DCTN2: variants seen among roughly 807,000 people sequenced by gnomAD.
The protein encoded by DCTN2 is 50 kDa dynein-associated polypeptide.
Under a neutral mutation model 55.4 loss-of-function variants are expected in DCTN2, and 18 were observed. That is an observed-to-expected ratio of 0.32 (90% CI 0.22 to 0.48). The LOEUF is 0.48. DCTN2 is among the 20% of genes least tolerant of loss of function. The probability of loss-of-function intolerance (pLI) is 0.99; values close to 1 mark genes in which losing one functional copy is unlikely to be tolerated. For synonymous variants in DCTN2, 168 were observed against 185.2 expected (o/e 0.91, Z 0.76); for missense variants, 390 against 491.0 (o/e 0.79, Z 1.94).
At position 57,547,101 on chromosome 12, in the gene DCTN2, T is replaced by C; in HGVS notation, c.-38A>G. The stretch of plus-strand genomic sequence containing the variant: ...ACGGGCTGGGGGACCCGGGCCTCGG[T>C]GGAGCCGGGGCCGGTGTTCGGGTAG... On this transcript the variant is annotated 5_prime_UTR_variant, in exon 1 of 14. Transcript: ENST00000548249. The C allele has an allele frequency of 1.6e-6, 2 of 1,253,116 alleles. No individual in the cohort carries two copies. The highest frequency in any genetic ancestry group is 3.9e-5 in the South Asian group (1 of 25,974). 77.6% of individuals were successfully genotyped at this position (1,253,116 alleles called of 1,614,324 possible). A position where few individuals can be genotyped will look rare whatever the true frequency, so the allele number is the denominator to read the frequency against.
intron 13 of DCTN2, 73 bp from the exon 14 acceptor site, chr12:57,530,848 C>T: frequency 7.8e-7 from 1 of 1,274,314 alleles, no homozygotes; most frequent in African/African-American, 1.5e-5. Context: ...TGAAGGAATT[C>T]TCTGAGAGAG....
chr12:57,541,091 T>C (rs1273171549), intron 2 of DCTN2, among the ~76,000 whole-genome samples: 2 of 152,186 alleles, frequency 1.3e-5, no homozygotes, highest in African/African-American at 4.8e-5. Context: ...TTCAAAAACA[T>C]TTAAAGCCTC....
At chr12:57,538,410 T>G (rs886259506) in intron 2 of DCTN2, 4 of 700,618 alleles carry the variant, frequency 5.7e-6, no homozygotes, top group Non-Finnish European at 1.0e-5. Context: ...AGGCTGGGTG[T>G]GGGACTGAAT....
Position 57,532,597 on chromosome 12 carries a change from A to G in DCTN2, c.899T>C (p.Val300Ala). The G allele has an allele frequency of 6.2e-7, 1 of 1,613,986 alleles. No individual in the cohort carries two copies. The highest frequency in any genetic ancestry group is 8.5e-7 in the Non-Finnish European group (1 of 1,179,868). Reference sequence around the variant, plus strand: ...CTTGCTTTGTGTATCTGCATCTTCTACAGAGGCTTTATGCTTGGCAATCTC... The same window carrying G: ...CTTGCTTTGTGTATCTGCATCTTCTGCAGAGGCTTTATGCTTGGCAATCTC... Reference protein sequence around the residue: ...VNEIAKHKASVEDADTQSKVH... With the variant: ...VNEIAKHKASAEDADTQSKVH... Residue 300 changes from valine (V) to alanine (A), a missense_variant, in exon 11 of 14, where the codon GTA becomes GCA. Val to Ala is a moderately conservative substitution (Grantham distance 64). Coordinates refer to ENST00000548249, the MANE Select transcript of DCTN2 (RefSeq NM_001261413.2).
rs1594899234 is a variant in DCTN2, at chr12:57,547,106, C to T, written c.-43G>A. ...CTGGGGGACCCGGGCCTCGGTGGAG[C>T]CGGGGCCGGTGTTCGGGTAGGGGAG... On this transcript the variant is annotated 5_prime_UTR_variant, in exon 1 of 14. Transcript: ENST00000548249. 16 of 1,254,566 alleles carry T rather than the reference C, an allele frequency of 1.3e-5. No individual in the cohort carries two copies. The African/African-American group carries it at 1.4e-4, about 11-fold the overall frequency. 77.7% of individuals were successfully genotyped at this position (1,254,566 alleles called of 1,614,324 possible).
chr12:57,545,870 A>G (rs1261900811), intron 2 of DCTN2, 158 bp downstream of exon 2: 3 of 626,890 alleles, frequency 4.8e-6, no homozygotes, highest in Non-Finnish European at 5.5e-6. Flanking sequence ...TGGTGGCTGC[A>G]AGCCCAGCAA....
chr12:57,546,159 C>T (rs1259258243), intron 1 of DCTN2, 63 bp from the exon 2 acceptor site: 3 of 1,482,682 alleles, frequency 2.0e-6, no homozygotes, highest in East Asian at 2.3e-5. Context: ...CCCCTTCCCC[C>T]ACTCCATTTG....
At chr12:57,542,413 T>G (rs1880769118) in intron 2 of DCTN2, among the ~76,000 whole-genome samples, 1 of 152,232 alleles carries the variant, frequency 6.6e-6, no homozygotes, top group African/African-American at 2.4e-5. Context: ...TAAGGGATGT[T>G]TGAGGACATT....
chr12:57,540,722 A>G (rs2140133019), intron 2 of DCTN2, among the ~76,000 whole-genome samples: 1 of 152,328 alleles, frequency 6.6e-6, no homozygotes, highest in Middle Eastern at 3.4e-3. Context: ...GTAGAGTAAA[A>G]CTGTCCGGGA....
chr12:57,535,321 A>C (rs1235670884), intron 4 of DCTN2, 163 bp downstream of exon 4: 6 of 1,052,200 alleles, frequency 5.7e-6, no homozygotes, highest in Non-Finnish European at 8.4e-6. Flanking sequence ...GGCTCTCCAG[A>C]ACAAACAGCA....
At chr12:57,535,376 A>C in intron 4 of DCTN2, 108 bp downstream of exon 4, 1 of 1,388,472 alleles carries the variant, frequency 7.2e-7, no homozygotes, top group Non-Finnish European at 1.0e-6. Context: ...TTCCTCAGGA[A>C]CAGAGGAGGA....
Position 57,530,111 on chromosome 12 carries a change from A to G in DCTN2, c.*578T>C, listed in dbSNP as rs576842116. ...CCTCCACTGCTTTTCTATGGGAGAC[A>G]CTCTTAATTTAACAGATGAGAATAT... On this transcript the variant is annotated 3_prime_UTR_variant, in exon 14 of 14. Coordinates refer to ENST00000548249, the MANE Select transcript of DCTN2 (RefSeq NM_001261413.2). The G allele has an allele frequency of 6.6e-6, 1 of 152,378 alleles. No individual in the cohort carries two copies. Among genetic ancestry groups the G allele is most frequent in the Non-Finnish European group, 1.5e-5 (1 of 68,020 alleles). The allele number at this position is 152,378 out of a possible 1,614,324, so 9.4% of individuals were successfully genotyped here.
At chr12:57,538,762 C>T (rs918860879) in intron 2 of DCTN2, among the ~76,000 whole-genome samples, 2 of 152,162 alleles carry the variant, frequency 1.3e-5, no homozygotes, top group East Asian at 1.9e-4. Flanking sequence ...GAGCATGAGA[C>T]CCTTTTCCCT....
intron 4 of DCTN2, 32 bp downstream of exon 4, chr12:57,535,452 T>C: frequency 6.2e-7 from 1 of 1,611,644 alleles, no homozygotes; most frequent in Non-Finnish European, 8.5e-7. Flanking sequence ...CACTACACCA[T>C]TCCCATCAAC....
intron 2 of DCTN2, among the ~76,000 whole-genome samples, chr12:57,542,258 AAG>A (rs1488486642): frequency 9.9e-5 from 15 of 152,136 alleles, no homozygotes; most frequent in African/African-American, 3.6e-4. Flanking sequence ...CCTGGGCAAA[AAG>A]AGTGAAACTC....
Position 57,530,577 on chromosome 12 carries a change from T to G in DCTN2, c.*112A>C. ...ATGCAAGAAGAACCCTTGCCCCCAG[T>G]GTCAAATGGGATGGGGATGCTAGAG... On this transcript the variant is annotated 3_prime_UTR_variant, in exon 14 of 14. Coordinates refer to ENST00000548249, the MANE Select transcript of DCTN2 (RefSeq NM_001261413.2). 1.1e-6 allele frequency: 1 copy of G among 914,254 alleles called. No homozygotes were observed. The highest frequency in any genetic ancestry group is 1.7e-6 in the Non-Finnish European group (1 of 586,644). 56.6% of individuals were successfully genotyped at this position (914,254 alleles called of 1,614,324 possible). A position where few individuals can be genotyped will look rare whatever the true frequency, so the allele number is the denominator to read the frequency against.
chr12:57,540,686 T>A (rs1722961511), intron 2 of DCTN2, among the ~76,000 whole-genome samples: 1 of 152,180 alleles, frequency 6.6e-6, no homozygotes, highest in South Asian at 2.1e-4. Context: ...TTCAAAACCA[T>A]GATGACAAGG....
At chr12:57,538,380 G>A (rs1880417455) in intron 2 of DCTN2, 3 of 679,584 alleles carry the variant, frequency 4.4e-6, no homozygotes, top group Non-Finnish European at 5.4e-6. Flanking sequence ...TATAATTACA[G>A]TGACTTGTGA....
chr12:57,534,484 G>A (rs753761004), intron 5 of DCTN2, 32 bp from the exon 6 acceptor site: 2 of 1,559,400 alleles, frequency 1.3e-6, no homozygotes. Context: ...ATCGGGGGAT[G>A]GCAAGAATGA....
Sources: gnomAD v4.1 joint callset for allele counts (sites outside exome capture counted in the v4.1 genomes callset) on GRCh38, gnomAD v4.1.1 for gene constraint, MANE v1.5 for transcripts, NCBI Gene and HGNC (gene_info 2026-07-23, HGNC 2026-07-21) for gene names.